ITPK1: variants seen among roughly 807,000 people sequenced by gnomAD.
ITPK1 encodes the protein inositol 1,3,4-trisphosphate 5/6-kinase.
Under a neutral mutation model 45.3 loss-of-function variants are expected in ITPK1, and 21 were observed. The observed-to-expected ratio is 0.46, with a 90% CI of 0.33 to 0.67. The LOEUF is 0.67. ITPK1 is among the 30% of genes least tolerant of loss of function. The pLI, the probability that ITPK1 is intolerant of heterozygous loss-of-function variation, is 0.02. For missense variants in ITPK1, 474 were observed against 573.5 expected (o/e 0.83, Z 1.77); for synonymous variants, 258 against 253.6 (o/e 1.02, Z -0.16).
intron 10 of ITPK1, among the ~76,000 whole-genome samples, chr14:92,944,504 G>A (rs114025939): frequency 0.019 from 2,893 of 151,284 alleles, 96 homozygotes; most frequent in African/African-American, 0.067. Flanking sequence ...CCCATAGATC[G>A]CGACCATCTA....
intron 4 of ITPK1, among the ~76,000 whole-genome samples, chr14:93,002,454 C>T (rs1211056341): frequency 6.6e-6 from 1 of 152,164 alleles, no homozygotes; most frequent in Non-Finnish European, 1.5e-5. Context: ...GGGCCTCTGG[C>T]TCCAGAGCCC....
intron 3 of ITPK1, among the ~76,000 whole-genome samples, chr14:93,040,103 T>C (rs1206652287): frequency 6.6e-6 from 1 of 152,262 alleles, no homozygotes; most frequent in Non-Finnish European, 1.5e-5. Flanking sequence ...TTTGTTCTTT[T>C]TGGTTAAACT....
intron 3 of ITPK1, among the ~76,000 whole-genome samples, chr14:93,055,121 A>G (rs930249993): frequency 6.6e-6 from 1 of 152,016 alleles, no homozygotes; most frequent in African/African-American, 2.4e-5. Context: ...TGCCTATGGG[A>G]CTCATCCATG....
intron 5 of ITPK1, among the ~76,000 whole-genome samples, chr14:92,993,672 A>G (rs542182086): frequency 1.3e-5 from 2 of 152,150 alleles, no homozygotes; most frequent in Non-Finnish European, 2.9e-5. Flanking sequence ...CTTCCGCAAG[A>G]GCACCCTGAG....
chr14:93,112,856 GATA>G (rs554372992), intron 2 of ITPK1, among the ~76,000 whole-genome samples: 166 of 152,314 alleles, frequency 1.1e-3, no homozygotes, highest in African/African-American at 3.7e-3. Flanking sequence ...TGGAAAACAT[GATA>G]ATGTCCTTTG....
intron 3 of ITPK1, among the ~76,000 whole-genome samples, chr14:93,050,070 C>T (rs767297011): frequency 2.6e-5 from 4 of 152,094 alleles, no homozygotes; most frequent in Admixed American, 1.3e-4. Flanking sequence ...ATGGCCTTCC[C>T]GGGGCAAAAC....
At chr14:92,974,735 G>C (rs1002691185) in intron 5 of ITPK1, among the ~76,000 whole-genome samples, 8 of 152,264 alleles carry the variant, frequency 5.3e-5, no homozygotes, top group Non-Finnish European at 8.8e-5. Flanking sequence ...GGAACTCAGA[G>C]CTGAAGGCAC....
intron 3 of ITPK1, among the ~76,000 whole-genome samples, chr14:93,028,550 C>T (rs1888863680): frequency 6.6e-6 from 1 of 152,208 alleles, no homozygotes; most frequent in Non-Finnish European, 1.5e-5. Context: ...TGATCTTCAA[C>T]CCCCTTGAGA....
chr14:93,112,673 C>T (rs554607831), intron 2 of ITPK1, among the ~76,000 whole-genome samples: 42 of 152,172 alleles, frequency 2.8e-4, no homozygotes, highest in South Asian at 2.5e-3. Flanking sequence ...CTCCTGACCT[C>T]GTGACCCACC....
chr14:93,078,947 G>T (rs1181323768), intron 2 of ITPK1, among the ~76,000 whole-genome samples: 3 of 152,002 alleles, frequency 2.0e-5, no homozygotes, highest in Admixed American at 2.0e-4. Context: ...CCGCACAATG[G>T]GAAAGGCCGG....
At chr14:93,104,077 C>T (rs978308360) in intron 2 of ITPK1, among the ~76,000 whole-genome samples, 4 of 152,152 alleles carry the variant, frequency 2.6e-5, no homozygotes, top group Admixed American at 2.0e-4. Flanking sequence ...CTGCACCCAC[C>T]TTACAGTTGG....
chr14:92,939,527 G>A lies in ITPK1; in HGVS notation c.*2034C>T, dbSNP rs984589092. 9 of 283,614 alleles carry A rather than the reference G, an allele frequency of 3.2e-5. No individual in the cohort carries two copies. In the South Asian group the frequency reaches 5.4e-4, roughly 17 times the overall value. 17.6% of individuals were successfully genotyped at this position (283,614 alleles called of 1,614,324 possible). A position where few individuals can be genotyped will look rare whatever the true frequency, so the allele number is the denominator to read the frequency against. ...TCCCATGTAGCTCCCAGGCCTTTAC[G>A]AAGCAAATCTCCATCCTCCATCTCC... is the stretch of plus-strand genomic sequence containing the variant. On this transcript the variant is annotated 3_prime_UTR_variant, in exon 11 of 11. Transcript: ENST00000267615.
intron 2 of ITPK1, among the ~76,000 whole-genome samples, chr14:93,089,442 GCTTC>G (rs1040794379): frequency 6.6e-6 from 1 of 152,186 alleles, no homozygotes; most frequent in Non-Finnish European, 1.5e-5. Flanking sequence ...GAGGTTGCTG[GCTTC>G]CATAGGAAGG....
chr14:93,025,226 G>A (rs1269331113), intron 3 of ITPK1, among the ~76,000 whole-genome samples: 1 of 152,120 alleles, frequency 6.6e-6, no homozygotes, highest in Non-Finnish European at 1.5e-5. Context: ...GAAGGGCCTG[G>A]CACTGGCACC....
At chr14:92,993,517 T>C (rs761904253) in intron 5 of ITPK1, among the ~76,000 whole-genome samples, 12 of 152,164 alleles carry the variant, frequency 7.9e-5, no homozygotes, top group Non-Finnish European at 1.5e-4. Context: ...TTTCTGTTTG[T>C]GTCCTCCGCG....
intron 5 of ITPK1, among the ~76,000 whole-genome samples, chr14:92,966,828 A>C (rs1029664234): frequency 6.6e-6 from 1 of 152,372 alleles, no homozygotes; most frequent in African/African-American, 2.4e-5. Flanking sequence ...GGGTGCCAAG[A>C]CAATTCAAGG....
At chr14:92,989,780 AG>A (rs1462540627) in intron 5 of ITPK1, among the ~76,000 whole-genome samples, 1 of 152,094 alleles carries the variant, frequency 6.6e-6, no homozygotes, top group East Asian at 1.9e-4. Context: ...GCCTCTGCCT[AG>A]GGGGTGCGGG....
In ITPK1 at chr14:93,016,535, G is replaced by A. The variant is rs1888188024; in HGVS notation, c.246+141C>T. 2.1e-6 allele frequency: 2 copies of A among 938,364 alleles called. No individual in the cohort carries two copies. The highest frequency in any genetic ancestry group is 3.1e-5 in the South Asian group (2 of 63,600). 58.1% of individuals were successfully genotyped at this position (938,364 alleles called of 1,614,324 possible). Reference sequence around the variant, plus strand: ...CAGAAGTACCTGCCCACGAGCCCATGTCTTGCCAGTGGCAGAGCCATTTCT... The same window carrying A: ...CAGAAGTACCTGCCCACGAGCCCATATCTTGCCAGTGGCAGAGCCATTTCT... On this transcript the variant is annotated intron_variant, in intron 4 of 10. Transcript: ENST00000267615. This position sits in a 1 kb window ranked among gnomAD's most constrained non-coding sequence, Gnocchi z 5.0.
At chr14:92,963,486 C>A (rs1885193956) in intron 5 of ITPK1, among the ~76,000 whole-genome samples, 1 of 152,198 alleles carries the variant, frequency 6.6e-6, no homozygotes, top group Admixed American at 6.5e-5. Context: ...GACTACTTAA[C>A]ATAATTGAGG....
Sources: gnomAD v4.1 joint callset for allele counts (sites outside exome capture counted in the v4.1 genomes callset) on GRCh38, gnomAD v4.1.1 for gene constraint, Gnocchi (gnomAD v3.1) non-coding constraint, MANE v1.5 for transcripts, NCBI Gene and HGNC (gene_info 2026-07-23, HGNC 2026-07-21) for gene names.